Variants in PIEZO2 observed in about 807,000 individuals in gnomAD.
PIEZO2 encodes piezo-type mechanosensitive ion channel component 2.
Under a neutral mutation model 337.3 loss-of-function variants are expected in PIEZO2, and 172 were observed. That is an observed-to-expected ratio of 0.51 (90% CI 0.45 to 0.58). The LOEUF (loss-of-function observed/expected upper bound fraction) is 0.58, where lower values mean the gene tolerates loss of function less well. Among genes scored for constraint, PIEZO2 ranks in the 20% least tolerant of loss-of-function variants. The pLI is 0.00. For synonymous variants in PIEZO2, 1,251 were observed against 1,228.5 expected (o/e 1.02, Z -0.38); for missense variants, 3,028 against 3,391.3 (o/e 0.89, Z 2.66).
intron 1 of PIEZO2, among the ~76,000 whole-genome samples, chr18:11,140,064 A>G (rs1290679207): frequency 2.0e-5 from 3 of 152,128 alleles, no homozygotes; most frequent in South Asian, 2.1e-4. Flanking sequence ...ACCATCCCCA[A>G]TGCAGTTAAG....
chr18:10,884,591 T>C (rs264211), intron 4 of PIEZO2, among the ~76,000 whole-genome samples: 143,912 of 152,236 alleles, frequency 0.95, 68,115 homozygotes, highest in East Asian at 1. Flanking sequence ...GCTAGTGAGC[T>C]GCCTGCTTCG....
chr18:10,698,990 T>C lies in PIEZO2; in HGVS notation c.6629A>G (p.Lys2210Arg). 6.5e-7 allele frequency: 1 copy of C among 1,536,952 alleles called. No homozygotes were observed. Among genetic ancestry groups the C allele is most frequent in the East Asian group, 2.4e-5 (1 of 40,908 alleles). The change falls in exon 44 of 56, where the codon AAG becomes AGG. Residue 2210 changes from lysine (K) to arginine (R), a missense_variant. Physicochemically the swap from Lys to Arg is conservative, Grantham distance 26. Coordinates refer to ENST00000674853, the MANE Select transcript of PIEZO2 (RefSeq NM_001378183.1). ...FPEQQTAVRRKRSGSSSEPSQ... is the reference protein window; with the variant it reads ...FPEQQTAVRRRRSGSSSEPSQ... ...TGGCTCGGAGCTGCTGCCGGAGCGC[T>C]TCCTCCGGACAGCTGTCTGCTGCTC...
intron 18 of PIEZO2, among the ~76,000 whole-genome samples, chr18:10,778,649 T>C (rs536906001): frequency 6.6e-6 from 1 of 152,188 alleles, no homozygotes; most frequent in Non-Finnish European, 1.5e-5. Flanking sequence ...GCTCTTAACA[T>C]GTTTATATTC....
intron 7 of PIEZO2, among the ~76,000 whole-genome samples, chr18:10,822,521 A>G (rs1323033441): frequency 6.6e-6 from 1 of 152,208 alleles, no homozygotes; most frequent in Non-Finnish European, 1.5e-5. Flanking sequence ...CTCCCTGATT[A>G]GGAATGCTGG....
rs184868638 is a variant in PIEZO2, at chr18:11,004,288, T to C, written c.161-24628A>G. 2.7e-3 allele frequency among the ~76,000 whole-genome samples: 408 copies of C among 152,276 alleles called. 2 individuals carry two copies. Among genetic ancestry groups the C allele is most frequent in the Non-Finnish European group, 4.1e-3 (277 of 68,028 alleles). ...AGAGAGAGGAATTAATGTAGATATT[T>C]ACCAGACACAACTTCCAAATTTCCA... On this transcript the variant is annotated intron_variant, in intron 2 of 55. Transcript: ENST00000674853.
chr18:11,057,556 G>A (rs965985825), intron 2 of PIEZO2, among the ~76,000 whole-genome samples: 3 of 152,172 alleles, frequency 2.0e-5, no homozygotes, highest in African/African-American at 7.2e-5. Context: ...TGGATTTGCA[G>A]GGAGGTGGAT....
chr18:11,029,006 T>A (rs956080424), intron 2 of PIEZO2, among the ~76,000 whole-genome samples: 1 of 152,204 alleles, frequency 6.6e-6, no homozygotes, highest in African/African-American at 2.4e-5. Context: ...TAAATAGAAA[T>A]TGAGGGGAAC....
chr18:10,871,211 C>A lies in PIEZO2; in HGVS notation c.492+42G>T, dbSNP rs1018024317. On this transcript the variant is annotated intron_variant, in intron 5 of 55. Coordinates refer to ENST00000674853, the MANE Select transcript of PIEZO2 (RefSeq NM_001378183.1). ...TCTGCAACTTATTAAGGGTCAAGGT[C>A]CTCAGAAATCAAAGAAGGAAGAGAC... The A allele has an allele frequency of 3.3e-6, 5 of 1,511,350 alleles. No individual in the cohort carries two copies. The South Asian group carries it at 4.9e-5, about 15-fold the overall frequency. The allele number at this position is 1,511,350 out of a possible 1,614,324, so 93.6% of individuals were successfully genotyped here.
chr18:10,860,238 G>A lies in PIEZO2; in HGVS notation c.493-3027C>T, dbSNP rs535911101. ...AGTAGCCTGTTGAGGTTACCTGGAG[G>A]GAATACAGAGATGGCCCTCCTCGAG... is the stretch of plus-strand genomic sequence containing the variant. On this transcript the variant is annotated intron_variant, in intron 5 of 55. Coordinates refer to ENST00000674853, the MANE Select transcript of PIEZO2 (RefSeq NM_001378183.1). Among the ~76,000 whole-genome samples the A allele has an allele frequency of 6.6e-5, 10 of 152,226 alleles. 1 individual carries two copies. In the Middle Eastern group the frequency reaches 0.01, roughly 155 times the overall value.
chr18:11,101,468 A>G lies in PIEZO2; in HGVS notation c.65-35246T>C, dbSNP rs1295489651. ...TTTCATTCATGTACCATTTTATACA[A>G]GAGACCATCTATTATAAAACACAAC... On this transcript the variant is annotated intron_variant, in intron 1 of 55. Transcript: ENST00000674853. This position sits in a 1 kb window ranked among gnomAD's most constrained non-coding sequence, Gnocchi z 4.4. Among the ~76,000 whole-genome samples, 8 of 152,270 alleles carry G rather than the reference A, an allele frequency of 5.3e-5. No homozygotes were observed. Among genetic ancestry groups the G allele is most frequent in the Non-Finnish European group, 1.2e-4 (8 of 68,046 alleles).
Position 10,986,549 on chromosome 18 carries a change from CAT to C in PIEZO2, c.161-6891_161-6890del, listed in dbSNP as rs2034877144. 2.6e-5 allele frequency among the ~76,000 whole-genome samples: 4 copies of C among 152,010 alleles called. No homozygotes were observed. The East Asian group carries it at 7.7e-4, about 29-fold the overall frequency. Reference sequence around the variant, plus strand: ...ATCTTTTCATAATGAAAACTTTCAACATATTAGATATAGAAGGAATGTACCTT... The same window carrying C: ...ATCTTTTCATAATGAAAACTTTCAACATTAGATATAGAAGGAATGTACCTT... On this transcript the variant is annotated intron_variant, in intron 2 of 55. Transcript: ENST00000674853.
At position 11,027,317 on chromosome 18, in the gene PIEZO2, G is replaced by A. The variant is rs554154327; in HGVS notation, c.160+38810C>T. 6.6e-6 allele frequency among the ~76,000 whole-genome samples: 1 copy of A among 152,292 alleles called. No homozygotes were observed. Among genetic ancestry groups the A allele is most frequent in the Admixed American group, 6.5e-5 (1 of 15,292 alleles). ...GGTATAACCGGGCTCTGCTGGACCT[G>A]TGTGTGAATAAAGGAAGGACTGCGA... On this transcript the variant is annotated intron_variant, in intron 2 of 55. Coordinates refer to ENST00000674853, the MANE Select transcript of PIEZO2 (RefSeq NM_001378183.1). This position sits in a 1 kb window ranked among gnomAD's most constrained non-coding sequence, Gnocchi z 4.2.
At chr18:10,949,512 C>T (rs1172494873) in intron 3 of PIEZO2, among the ~76,000 whole-genome samples, 2 of 152,200 alleles carry the variant, frequency 1.3e-5, no homozygotes, top group African/African-American at 4.8e-5. Context: ...TCTACAAGCA[C>T]AAAGTGAGGT....
intron 7 of PIEZO2, among the ~76,000 whole-genome samples, chr18:10,820,255 A>C (rs1243522147): frequency 6.6e-6 from 1 of 151,804 alleles, no homozygotes; most frequent in African/African-American, 2.4e-5. Context: ...ATTTCTTAAT[A>C]TACATTTGTC....
At chr18:10,674,228 A>G (rs1009569364) in intron 54 of PIEZO2, among the ~76,000 whole-genome samples, 5 of 152,224 alleles carry the variant, frequency 3.3e-5, no homozygotes, top group Non-Finnish European at 7.3e-5. Flanking sequence ...AGGAGGAAAC[A>G]CAGGAGCTTG....
intron 2 of PIEZO2, among the ~76,000 whole-genome samples, chr18:11,058,213 C>G (rs2145881733): frequency 6.6e-6 from 1 of 152,330 alleles, no homozygotes; most frequent in East Asian, 1.9e-4. Flanking sequence ...GGACCTCCAG[C>G]AAACTCCAAC....
chr18:10,693,892 A>G (rs1266002404), intron 47 of PIEZO2, among the ~76,000 whole-genome samples: 1 of 152,160 alleles, frequency 6.6e-6, no homozygotes, highest in Non-Finnish European at 1.5e-5. Context: ...AATGTATTTT[A>G]TGTATTCTAT....
Position 11,143,566 on chromosome 18 carries a change from C to G in PIEZO2, c.64+4959G>C, listed in dbSNP as rs2040715072. 6.7e-6 allele frequency among the ~76,000 whole-genome samples: 1 copy of G among 150,330 alleles called. No homozygotes were observed. The highest frequency in any genetic ancestry group is 6.7e-5 in the Admixed American group (1 of 15,036). Reference sequence around the variant, plus strand: ...TGCAGATTTGGAATATTGAGTAAAACTGGTGAGAAAAATCCTGAGAACTAA... The same window carrying G: ...TGCAGATTTGGAATATTGAGTAAAAGTGGTGAGAAAAATCCTGAGAACTAA... On this transcript the variant is annotated intron_variant, in intron 1 of 55. Transcript: ENST00000674853. This position sits in a 1 kb window ranked among gnomAD's most constrained non-coding sequence, Gnocchi z 4.9.
Position 10,773,674 on chromosome 18 carries a change from G to A in PIEZO2, c.2568-45C>T. ...GAGTCAGAAGAGGAAAGGGTGTTGG[G>A]AGAGATTTGACTGAGGGGCAAGTAA... On this transcript the variant is annotated intron_variant, in intron 19 of 55. Transcript: ENST00000674853. This position sits in a 1 kb window ranked among gnomAD's most constrained non-coding sequence, Gnocchi z 5.3. 1 of 1,515,054 alleles carries A rather than the reference G, an allele frequency of 6.6e-7. No homozygotes were observed. Among genetic ancestry groups the A allele is most frequent in the Admixed American group, 2.0e-5 (1 of 50,918 alleles). The allele number at this position is 1,515,054 out of a possible 1,614,324, so 93.9% of individuals were successfully genotyped here.
Sources: gnomAD v4.1 joint callset for allele counts (sites outside exome capture counted in the v4.1 genomes callset) on GRCh38, gnomAD v4.1.1 for gene constraint, Gnocchi (gnomAD v3.1) non-coding constraint, MANE v1.5 for transcripts, NCBI Gene and HGNC (gene_info 2026-07-23, HGNC 2026-07-21) for gene names.